Variants in FAM107B observed in about 807,000 individuals in gnomAD.
FAM107B encodes family with sequence similarity 107 member B.
In FAM107B, 21 loss-of-function variants were observed where a neutral mutation model predicts 31.5. That is an observed-to-expected ratio of 0.67 (90% CI 0.47 to 0.96). FAM107B has a LOEUF of 0.96. Ranked by LOEUF, FAM107B falls within the 40% of genes least tolerant of loss-of-function variation. The probability of loss-of-function intolerance (pLI) is 0.00; values close to 1 mark genes in which losing one functional copy is unlikely to be tolerated. For synonymous variants in FAM107B, 157 were observed against 141.5 expected (o/e 1.11, Z -0.78); for missense variants, 452 against 377.1 (o/e 1.20, Z -1.64).
intron 1 of FAM107B, among the ~76,000 whole-genome samples, chr10:14,671,300 C>T (rs113098223): frequency 7.2e-5 from 11 of 152,248 alleles, no homozygotes; most frequent in African/African-American, 2.2e-4. Context: ...TTAAGGCTTG[C>T]AGACAATTTG....
At chr10:14,616,091 C>T (rs757872268) in intron 2 of FAM107B, among the ~76,000 whole-genome samples, 10 of 152,000 alleles carry the variant, frequency 6.6e-5, no homozygotes, top group Non-Finnish European at 1.3e-4. Context: ...TATGTCCCTG[C>T]TATGTTAAAT....
intron 1 of FAM107B, among the ~76,000 whole-genome samples, chr10:14,673,645 G>A (rs538295749): frequency 1.3e-5 from 2 of 152,264 alleles, no homozygotes; most frequent in African/African-American, 4.8e-5. Flanking sequence ...CCCTTTGGAT[G>A]CATACCCAGC....
intron 2 of FAM107B, among the ~76,000 whole-genome samples, chr10:14,542,048 A>G (rs1045550353): frequency 1.3e-5 from 2 of 152,176 alleles, no homozygotes. Context: ...ACTTGAGATC[A>G]GGAGTTTGAG....
At chr10:14,668,235 G>A (rs748497269) in intron 1 of FAM107B, among the ~76,000 whole-genome samples, 1 of 151,920 alleles carries the variant, frequency 6.6e-6, no homozygotes, top group South Asian at 2.1e-4. Flanking sequence ...AGTAGAGACG[G>A]GGTTTCACCA....
intron 2 of FAM107B, among the ~76,000 whole-genome samples, chr10:14,599,540 C>T (rs143631350): frequency 7.2e-5 from 11 of 152,260 alleles, no homozygotes; most frequent in African/African-American, 2.4e-4. Context: ...TGGGGGCTCA[C>T]GTCTATAATC....
At chr10:14,632,601 ACT>A (rs1300045342) in intron 2 of FAM107B, among the ~76,000 whole-genome samples, 14 of 138,738 alleles carry the variant, frequency 1.0e-4, no homozygotes, top group Non-Finnish European at 1.9e-4. Flanking sequence ...ACAAGGCAAG[ACT>A]CTGTCTCAAA....
intron 2 of FAM107B, among the ~76,000 whole-genome samples, chr10:14,575,963 A>C (rs1490733808): frequency 6.6e-6 from 1 of 152,216 alleles, no homozygotes; most frequent in Non-Finnish European, 1.5e-5. Flanking sequence ...GGTCTTGAAG[A>C]CATCACGCTA....
rs779729169 is a variant in FAM107B at position 14,774,688 on chromosome 10, T to C, written c.-25A>G. ...TGACTTGCAGTGAATCATTGCAAAG[T>C]TCAAACGGGGCAAGGAAATTTTCCA... On this transcript the variant is annotated 5_prime_UTR_variant, in exon 1 of 5. Transcript: ENST00000181796. 6 of 1,595,748 alleles carry C rather than the reference T, an allele frequency of 3.8e-6. No individual in the cohort carries two copies. The South Asian group carries it at 5.7e-5, about 15-fold the overall frequency.
chr10:14,675,922 C>T (rs1253617090), intron 1 of FAM107B, among the ~76,000 whole-genome samples: 3 of 152,114 alleles, frequency 2.0e-5, no homozygotes, highest in Non-Finnish European at 4.4e-5. Flanking sequence ...TCTTGGGAGG[C>T]CAAGGTAAGA....
chr10:14,754,872 CA>C (rs1370760152), intron 1 of FAM107B, among the ~76,000 whole-genome samples: 2 of 152,168 alleles, frequency 1.3e-5, no homozygotes, highest in Non-Finnish European at 2.9e-5. Flanking sequence ...TGAATATTCA[CA>C]AACATCTTTC....
At position 14,774,363 on chromosome 10, in the gene FAM107B, G is replaced by A; in HGVS notation, c.301C>T (p.Pro101Ser). The change falls in exon 1 of 5, where the codon CCC becomes TCC. Residue 101 changes from proline to serine, a missense_variant. Pro to Ser is a moderately conservative substitution (Grantham distance 74). Transcript: ENST00000181796. ...RNSSHRTAAQ[P>S]AETPEDVPGS... The stretch of plus-strand genomic sequence containing the variant: ...GGCACATCTTCAGGCGTCTCCGCGG[G>A]CTGGGCCGCAGTGCGGTGACTTGAA... The A allele has an allele frequency of 6.2e-7, 1 of 1,614,202 alleles. No homozygotes were observed. The highest frequency in any genetic ancestry group is 1.7e-5 in the Admixed American group (1 of 60,034).
Position 14,596,164 on chromosome 10 carries a change from C to T in FAM107B, c.470-65649G>A, listed in dbSNP as rs900598827. ...GGGCTGATATTTGCACTTGTTTCTG[C>T]GAGGCTCATCCCCTTGCCTCACTCA... On this transcript the variant is annotated intron_variant, in intron 2 of 4. Transcript: ENST00000181796. Among the ~76,000 whole-genome samples the T allele has an allele frequency of 1.2e-4, 18 of 152,294 alleles. No homozygotes were observed. In the East Asian group the frequency reaches 1.9e-3, roughly 16 times the overall value.
intron 1 of FAM107B, among the ~76,000 whole-genome samples, chr10:14,726,916 T>C (rs575386914): frequency 6.6e-6 from 1 of 152,208 alleles, no homozygotes; most frequent in East Asian, 1.9e-4. Flanking sequence ...TCTAATGAAA[T>C]AAGTATGCAA....
At chr10:14,632,638 G>A (rs1293207601) in intron 2 of FAM107B, among the ~76,000 whole-genome samples, 6 of 149,506 alleles carry the variant, frequency 4.0e-5, no homozygotes, top group Non-Finnish European at 7.4e-5. Flanking sequence ...AGAGAATTCA[G>A]AAATCTTCGT....
At chr10:14,579,503 T>C (rs899113525) in intron 2 of FAM107B, among the ~76,000 whole-genome samples, 3 of 152,218 alleles carry the variant, frequency 2.0e-5, no homozygotes, top group Non-Finnish European at 2.9e-5. Context: ...TTCCTACCTC[T>C]CTACCTGGCT....
chr10:14,533,647 G>C (rs1442776200), intron 2 of FAM107B, among the ~76,000 whole-genome samples: 3 of 152,172 alleles, frequency 2.0e-5, no homozygotes, highest in African/African-American at 7.2e-5. Flanking sequence ...CCCTCAACTA[G>C]AGACAGCATA....
intron 1 of FAM107B, among the ~76,000 whole-genome samples, chr10:14,772,788 T>C (rs1233363373): frequency 6.6e-6 from 1 of 152,168 alleles, no homozygotes; most frequent in Non-Finnish European, 1.5e-5. Context: ...CATTTTGTGT[T>C]ATTGGTTCTA....
chr10:14,721,816 G>T (rs2688857), intron 1 of FAM107B, among the ~76,000 whole-genome samples: 69,561 of 151,938 alleles, frequency 0.46, 16,116 homozygotes, highest in Admixed American at 0.54. Context: ...TCTGATGGTA[G>T]TTTCTTTTGC....
At chr10:14,536,764 T>G (rs1015644202) in intron 2 of FAM107B, among the ~76,000 whole-genome samples, 9 of 152,144 alleles carry the variant, frequency 5.9e-5, no homozygotes, top group African/African-American at 2.2e-4. Context: ...ACGTTATTGT[T>G]TCATACTCTG....
Sources: gnomAD v4.1 joint callset for allele counts (sites outside exome capture counted in the v4.1 genomes callset) on GRCh38, gnomAD v4.1.1 for gene constraint, MANE v1.5 for transcripts, NCBI Gene and HGNC (gene_info 2026-07-23, HGNC 2026-07-21) for gene names.